Variants in TPRG1 observed in about 807,000 individuals in gnomAD.
TPRG1 encodes tumor protein p63-regulated gene 1 protein.
TPRG1 carries 29 observed loss-of-function variants against 29.3 expected under a neutral mutation model. The ratio of observed to expected loss-of-function variants is 0.99; its 90% confidence interval spans 0.74 to 1.35. TPRG1 has a LOEUF of 1.35. Among genes scored for constraint, TPRG1 ranks in the 40% most tolerant of loss-of-function variants. TPRG1 has a pLI of 0.00. For synonymous variants in TPRG1, 130 were observed against 116.8 expected (o/e 1.11, Z -0.73); for missense variants, 327 against 335.0 (o/e 0.98, Z 0.19).
chr3:189,113,309 A>C (rs1720771792), intron 1 of TPRG1, among the ~76,000 whole-genome samples: 2 of 152,234 alleles, frequency 1.3e-5, no homozygotes, highest in Non-Finnish European at 2.9e-5. Flanking sequence ...ATATACAATC[A>C]TGTCATCTGC....
intron 1 of TPRG1, among the ~76,000 whole-genome samples, chr3:189,118,568 G>C (rs1039989685): frequency 6.6e-6 from 1 of 152,150 alleles, no homozygotes; most frequent in African/African-American, 2.4e-5. Flanking sequence ...AAGGAAAAAT[G>C]GTTGTGTAGC....
intron 4 of TPRG1, among the ~76,000 whole-genome samples, chr3:189,085,448 T>TGTGTGTGTGTGC (rs1717871412): frequency 9.6e-6 from 1 of 104,024 alleles, no homozygotes; most frequent in African/African-American, 4.2e-5. Flanking sequence ...TGTGTGTGCA[T>TGTGTGTGTGTGC]GTGTGTGTGT....
upstream of TPRG1, among the ~76,000 whole-genome samples, chr3:189,167,637 A>C (rs1321445470): frequency 6.6e-6 from 1 of 152,208 alleles, no homozygotes; most frequent in Non-Finnish European, 1.5e-5. Flanking sequence ...AGGCCTGTGT[A>C]ACTGCACGAG....
At chr3:189,051,628 C>T (rs777297564) in intron 4 of TPRG1, among the ~76,000 whole-genome samples, 8 of 152,040 alleles carry the variant, frequency 5.3e-5, no homozygotes, top group Non-Finnish European at 1.2e-4. Context: ...AAAGAGCTCA[C>T]ATAGCCAAAG....
chr3:189,011,545 A>C (rs907151186), intron 3 of TPRG1, among the ~76,000 whole-genome samples: 2 of 152,202 alleles, frequency 1.3e-5, no homozygotes, highest in Non-Finnish European at 2.9e-5. Flanking sequence ...TCTTACTTAG[A>C]TGGTGGCAGG....
At chr3:189,040,100 A>C (rs1209024524) in intron 4 of TPRG1, among the ~76,000 whole-genome samples, 1 of 152,190 alleles carries the variant, frequency 6.6e-6, no homozygotes, top group Non-Finnish European at 1.5e-5. Context: ...CCCTAGGGCC[A>C]GGTTATAACT....
At chr3:189,304,393 C>T (rs1721307331) in intron 4 of TPRG1, among the ~76,000 whole-genome samples, 1 of 152,084 alleles carries the variant, frequency 6.6e-6, no homozygotes, top group Admixed American at 6.6e-5. Context: ...TGAACATTGC[C>T]GATCTGCTTT....
intron 4 of TPRG1, among the ~76,000 whole-genome samples, chr3:189,053,045 T>A (rs1715429729): frequency 6.6e-6 from 1 of 152,124 alleles, no homozygotes. Flanking sequence ...AACTTACTCA[T>A]GTAACCAAAT....
chr3:189,157,586 T>G (rs1364849534), intron 5 of TPRG1, among the ~76,000 whole-genome samples: 1 of 152,132 alleles, frequency 6.6e-6, no homozygotes, highest in Non-Finnish European at 1.5e-5. Context: ...TAATGATGCT[T>G]TTGGCGAAAG....
chr3:189,096,096 GCAAA>G (rs1718659183), upstream of TPRG1, among the ~76,000 whole-genome samples: 1 of 152,154 alleles, frequency 6.6e-6, no homozygotes, highest in Non-Finnish European at 1.5e-5. Flanking sequence ...CATTAATCTT[GCAAA>G]CAGTTATTAA....
intron 1 of TPRG1, among the ~76,000 whole-genome samples, chr3:189,100,823 G>A (rs1719107483): frequency 6.6e-6 from 1 of 152,052 alleles, no homozygotes; most frequent in East Asian, 1.9e-4. Flanking sequence ...TCATCTGCCA[G>A]TGGGGCCACT....
At chr3:189,193,738 C>A (rs909033135) in intron 1 of TPRG1, among the ~76,000 whole-genome samples, 2 of 150,572 alleles carry the variant, frequency 1.3e-5, no homozygotes, top group South Asian at 4.2e-4. Context: ...CAGAATACTG[C>A]GGGATTTCTG....
intron 5 of TPRG1, among the ~76,000 whole-genome samples, chr3:189,317,447 G>A (rs1361739101): frequency 6.6e-6 from 1 of 152,142 alleles, no homozygotes; most frequent in African/African-American, 2.4e-5. Context: ...GCACACAAGT[G>A]CATGTATGTG....
At chr3:189,274,285 A>G (rs946723282) in intron 4 of TPRG1, among the ~76,000 whole-genome samples, 11 of 152,158 alleles carry the variant, frequency 7.2e-5, no homozygotes, top group African/African-American at 2.7e-4. Flanking sequence ...TGAGTGGGTT[A>G]TCTCACTATC....
intron 4 of TPRG1, among the ~76,000 whole-genome samples, chr3:189,047,367 T>A (rs977313423): frequency 5.3e-5 from 8 of 152,200 alleles, no homozygotes; most frequent in African/African-American, 1.7e-4. Context: ...GTACATACCT[T>A]AATTAAAAAT....
chr3:189,002,730 T>A (rs967973275), intron 2 of TPRG1, among the ~76,000 whole-genome samples: 3 of 152,274 alleles, frequency 2.0e-5, no homozygotes, highest in African/African-American at 7.2e-5. Context: ...TTTCATCTGA[T>A]GAATATTGAA....
chr3:189,234,296 A>T (rs1488814947), intron 3 of TPRG1, among the ~76,000 whole-genome samples: 1 of 152,180 alleles, frequency 6.6e-6, no homozygotes, highest in Admixed American at 6.5e-5. Context: ...TAATTTATTT[A>T]AAAAATGCCA....
At chr3:189,125,661 AC>A (rs1182424398) in intron 1 of TPRG1, among the ~76,000 whole-genome samples, 4 of 152,110 alleles carry the variant, frequency 2.6e-5, no homozygotes, top group Non-Finnish European at 5.9e-5. Flanking sequence ...AGGAAGTATC[AC>A]CTTCAAGCCC....
intron 2 of TPRG1, among the ~76,000 whole-genome samples, chr3:189,208,563 A>G (rs1467321818): frequency 6.6e-6 from 1 of 152,144 alleles, no homozygotes; most frequent in Admixed American, 6.6e-5. Flanking sequence ...AACTAAAGCA[A>G]CTTAACGAGT....
Sources: allele counts gnomAD v4.1 joint callset (sites outside exome capture counted in the v4.1 genomes callset), GRCh38; gene constraint gnomAD v4.1.1; transcripts MANE v1.5; gene names NCBI Gene and HGNC (gene_info 2026-07-23, HGNC 2026-07-21).